Variants in GNG2 observed in about 807,000 individuals in gnomAD.
GNG2 encodes guanine nucleotide-binding protein G(I)/G(S)/G(O) subunit gamma-2.
A neutral mutation model predicts 5.5 loss-of-function variants in GNG2; 5 were observed. That is an observed-to-expected ratio of 0.91 (90% CI 0.48 to 1.92). The LOEUF is 1.92. Ranked by LOEUF, GNG2 falls within the 30% of genes most tolerant of loss-of-function variation. The pLI is 0.01. For synonymous variants in GNG2, 28 were observed against 32.0 expected, an observed-to-expected ratio of 0.88 and a Z score of 0.42; for missense variants, 55 against 88.4, an observed-to-expected ratio of 0.62 and a Z score of 1.52.
intron 2 of GNG2, among the ~76,000 whole-genome samples, chr14:51,893,033 G>T (rs888356193): frequency 6.6e-6 from 1 of 152,148 alleles, no homozygotes; most frequent in African/African-American, 2.4e-5. Context: ...CTCCACTGTC[G>T]CCTGTGGAGT....
chr14:51,960,521 T>A (rs186238088), intron 3 of GNG2, among the ~76,000 whole-genome samples: 9 of 150,900 alleles, frequency 6.0e-5, no homozygotes, highest in African/African-American at 2.2e-4. Context: ...TGTGCCTTTT[T>A]ATATCTTCTG....
intron 2 of GNG2, among the ~76,000 whole-genome samples, chr14:51,943,515 C>T (rs984768563): frequency 6.6e-6 from 1 of 152,162 alleles, no homozygotes; most frequent in Non-Finnish European, 1.5e-5. Context: ...TTTTTATTGA[C>T]CCCATTATGT....
At chr14:51,927,822 A>G (rs184157894) in intron 2 of GNG2, among the ~76,000 whole-genome samples, 99 of 152,276 alleles carry the variant, frequency 6.5e-4, no homozygotes, top group Admixed American at 1.1e-3. Flanking sequence ...TATGTAAAGG[A>G]AGGCTGAAAA....
At chr14:51,862,838 A>AG (rs1268709923) in intron 1 of GNG2, among the ~76,000 whole-genome samples, 4 of 152,262 alleles carry the variant, frequency 2.6e-5, no homozygotes, top group Non-Finnish European at 4.4e-5. Flanking sequence ...TAGAATGTTT[A>AG]GGAAAAAGAT....
rs1023412214 is a variant in GNG2 at position 51,930,511 on chromosome 14, A to G, written c.-29-20139A>G. ...CTGGTCATCATCTTTGACCTTGGTC[A>G]CGTCACCTGATCTCTCTATTGTCTC... On this transcript the variant is annotated intron_variant, in intron 2 of 3. Coordinates refer to ENST00000556766, the MANE Select transcript of GNG2 (RefSeq NM_053064.5). Among the ~76,000 whole-genome samples, 4 of 152,366 alleles carry G rather than the reference A, an allele frequency of 2.6e-5. 1 individual carries two copies. The highest frequency in any genetic ancestry group is 6.5e-5 in the Admixed American group (1 of 15,306).
chr14:51,876,337 C>A (rs1429672749), intron 1 of GNG2, among the ~76,000 whole-genome samples: 1 of 152,170 alleles, frequency 6.6e-6, no homozygotes, highest in Non-Finnish European at 1.5e-5. Context: ...TATTTCTTAA[C>A]ACCTTGATAA....
rs1167483194 is a variant in GNG2 at position 51,967,501 on chromosome 14, T to C, written c.*814T>C. ...TACATCCATTCAGAAGTTTTGTTGT[T>C]TTACTCTAAAGCTGGGAAAGGAAAT... is the stretch of plus-strand genomic sequence containing the variant. On this transcript the variant is annotated 3_prime_UTR_variant, in exon 4 of 4. Transcript: ENST00000556766. 6.6e-6 allele frequency: 1 copy of C among 152,084 alleles called. No homozygotes were observed. The highest frequency in any genetic ancestry group is 2.4e-5 in the African/African-American group (1 of 41,414). 9.4% of individuals were successfully genotyped at this position (152,084 alleles called of 1,614,324 possible).
At chr14:51,922,206 T>G (rs1309109403) in intron 2 of GNG2, among the ~76,000 whole-genome samples, 1 of 151,620 alleles carries the variant, frequency 6.6e-6, no homozygotes. Context: ...TGCTTTCTTA[T>G]AAAAGAGAGA....
chr14:51,830,186 T>C (rs765506608), intron 2 of GNG2, among the ~76,000 whole-genome samples: 3 of 152,252 alleles, frequency 2.0e-5, no homozygotes, highest in Non-Finnish European at 4.4e-5. Flanking sequence ...CTTCCAGGAT[T>C]CCTAACTCTC....
chr14:51,856,183 T>TA (rs1201402115), upstream of GNG2, among the ~76,000 whole-genome samples: 11 of 150,986 alleles, frequency 7.3e-5, no homozygotes, highest in South Asian at 2.1e-4. Context: ...CTCAAAAAAA[T>TA]AAAAAATGAA....
At chr14:51,879,024 G>A (rs1288799447) in intron 2 of GNG2, among the ~76,000 whole-genome samples, 1 of 152,172 alleles carries the variant, frequency 6.6e-6, no homozygotes, top group Non-Finnish European at 1.5e-5. Context: ...CCTGTCCTTG[G>A]TTCACAAAAG....
At chr14:51,965,108 A>G (rs746272726) in intron 3 of GNG2, among the ~76,000 whole-genome samples, 10 of 152,172 alleles carry the variant, frequency 6.6e-5, no homozygotes, top group Non-Finnish European at 1.0e-4. Context: ...ATCCACATAA[A>G]TTCTGCTCAC....
At chr14:51,943,322 C>T (rs1888456092) in intron 2 of GNG2, among the ~76,000 whole-genome samples, 1 of 152,142 alleles carries the variant, frequency 6.6e-6, no homozygotes, top group Non-Finnish European at 1.5e-5. Context: ...ATTTTCTCAG[C>T]ATATTTGTTT....
chr14:51,847,892 T>C (rs1374178438), intron 2 of GNG2, among the ~76,000 whole-genome samples: 2 of 147,042 alleles, frequency 1.4e-5, no homozygotes, highest in African/African-American at 5.0e-5. Context: ...TTTTTTTTTT[T>C]TTTTTTTTTT....
intron 2 of GNG2, chr14:51,916,380 T>C (rs1886623226): frequency 2.3e-6 from 1 of 431,932 alleles, no homozygotes; most frequent in Non-Finnish European, 4.6e-6. Context: ...TGGCAGAATA[T>C]GGTGGGAAAA....
intron 2 of GNG2, among the ~76,000 whole-genome samples, chr14:51,941,656 T>C (rs549889508): frequency 8.5e-5 from 13 of 152,338 alleles, no homozygotes; most frequent in African/African-American, 3.1e-4. Flanking sequence ...TATTTATCTT[T>C]GTGCCACAGA....
rs1890017642 is a variant in GNG2, at chr14:51,967,960, T to C, written c.*1273T>C. ...GGAGAAGGACCTCAAATCGCCACTC[T>C]TTGGGCGGCAGGTGCGGTCCCCACG... On this transcript the variant is annotated 3_prime_UTR_variant, in exon 4 of 4. Transcript: ENST00000556766. The C allele has an allele frequency of 6.6e-6, 1 of 152,212 alleles. No homozygotes were observed. Among genetic ancestry groups the C allele is most frequent in the Non-Finnish European group, 1.5e-5 (1 of 68,052 alleles). The allele number at this position is 152,212 out of a possible 1,614,324, so 9.4% of individuals were successfully genotyped here. A position where few individuals can be genotyped will look rare whatever the true frequency, so the allele number is the denominator to read the frequency against.
At position 51,908,558 on chromosome 14, in the gene GNG2, C is replaced by A. The variant is rs61971468; in HGVS notation, c.-30+30901C>A. Among the ~76,000 whole-genome samples the A allele has an allele frequency of 4.0e-3, 488 of 120,932 alleles. 4 individuals are homozygous for A. Among genetic ancestry groups the A allele is most frequent in the South Asian group, 0.024 (94 of 3,884 alleles). 79.3% of individuals were successfully genotyped at this position (120,932 alleles called of 152,430 possible). ...TCTATCTATCTATCTATCTATCTAT[C>A]TATCCATATATATAGAGAGAGAGAG... On this transcript the variant is annotated intron_variant, in intron 2 of 3. Transcript: ENST00000556766.
chr14:51,887,614 G>A (rs944950479), intron 2 of GNG2, among the ~76,000 whole-genome samples: 4 of 152,130 alleles, frequency 2.6e-5, no homozygotes, highest in South Asian at 2.1e-4. Flanking sequence ...GTTCTGGGAC[G>A]GGTTGGGTCT....
Sources: allele counts gnomAD v4.1 joint callset (sites outside exome capture counted in the v4.1 genomes callset), GRCh38; gene constraint gnomAD v4.1.1; transcripts MANE v1.5; gene names NCBI Gene and HGNC (gene_info 2026-07-23, HGNC 2026-07-21).